UMAD1: variants seen among roughly 807,000 people sequenced by gnomAD.
UMAD1 encodes the protein UBAP1-MVB12-associated (UMA)-domain containing protein 1.
A neutral mutation model predicts 6.1 loss-of-function variants in UMAD1; 8 were observed. That is an observed-to-expected ratio of 1.30 (90% confidence interval 0.76 to 2.35). UMAD1 has a LOEUF of 2.35. Ranked by LOEUF, UMAD1 falls within the 30% of genes most tolerant of loss-of-function variation. The probability of loss-of-function intolerance (pLI) is 0.00; values close to 1 mark genes in which losing one functional copy is unlikely to be tolerated. For synonymous variants in UMAD1, 56 were observed against 31.4 expected (o/e 1.78, Z -2.61); for missense variants, 130 against 78.4 (o/e 1.66, Z -2.49).
chr7:7,838,921 C>A (rs1783623002), intron 3 of UMAD1, among the ~76,000 whole-genome samples: 1 of 151,962 alleles, frequency 6.6e-6, no homozygotes, highest in Non-Finnish European at 1.5e-5. Context: ...ATATATTGAT[C>A]TATATATTTG....
At chr7:7,819,506 A>G (rs1303041969) in intron 3 of UMAD1, among the ~76,000 whole-genome samples, 1 of 152,082 alleles carries the variant, frequency 6.6e-6, no homozygotes, top group Non-Finnish European at 1.5e-5. Context: ...TCACACATAC[A>G]CAAAAGGGCC....
In UMAD1 at chr7:7,693,646, A is replaced by G. The variant is rs148547085; in HGVS notation, c.82+20193A>G. Among the ~76,000 whole-genome samples the G allele has an allele frequency of 5.0e-3, 758 of 152,260 alleles. 7 individuals carry two copies. Among genetic ancestry groups the G allele is most frequent in the African/African-American group, 0.017 (720 of 41,570 alleles). On this transcript the variant is annotated intron_variant, in intron 2 of 3. Transcript: ENST00000682710. ...TTTAAAAATTGTTTATTTAAATTCT[A>G]TAACTTTTAGTGGATTGCACAAATT...
chr7:7,751,641 C>T (rs1441958179), intron 2 of UMAD1, among the ~76,000 whole-genome samples: 2 of 152,090 alleles, frequency 1.3e-5, no homozygotes, highest in Non-Finnish European at 2.9e-5. Context: ...TGGGCTTGAG[C>T]CAAGGACCTT....
chr7:7,642,903 G>A (rs1307610367), intron 1 of UMAD1, among the ~76,000 whole-genome samples: 3 of 152,208 alleles, frequency 2.0e-5, no homozygotes, highest in African/African-American at 7.2e-5. Context: ...ATGGTATGTT[G>A]TTTAATATTG....
At chr7:7,714,448 G>A (rs1780841418) in intron 2 of UMAD1, among the ~76,000 whole-genome samples, 1 of 152,246 alleles carries the variant, frequency 6.6e-6, no homozygotes, top group Non-Finnish European at 1.5e-5. Flanking sequence ...CATGAATAAA[G>A]AGGGAGTACT....
At chr7:7,850,445 A>G (rs1194375617) in intron 3 of UMAD1, among the ~76,000 whole-genome samples, 1 of 152,096 alleles carries the variant, frequency 6.6e-6, no homozygotes, top group Non-Finnish European at 1.5e-5. Flanking sequence ...TCAGATTTCC[A>G]TCTACTTCCC....
chr7:7,689,316 C>G (rs944709769), intron 2 of UMAD1: 3 of 152,166 alleles, frequency 2.0e-5, no homozygotes, highest in Non-Finnish European at 2.9e-5. Flanking sequence ...TTTTATCTAT[C>G]ATTGCCAACT....
intron 2 of UMAD1, among the ~76,000 whole-genome samples, chr7:7,735,363 T>A (rs1468453787): frequency 6.6e-6 from 1 of 152,124 alleles, no homozygotes; most frequent in Non-Finnish European, 1.5e-5. Context: ...AATTTTAATG[T>A]GTTGTAGACA....
chr7:7,869,003 G>A (rs371397784), intron 3 of UMAD1, among the ~76,000 whole-genome samples: 10 of 152,298 alleles, frequency 6.6e-5, no homozygotes, highest in African/African-American at 1.9e-4. Context: ...AATCTTTGCC[G>A]TTGCAATATG....
chr7:7,731,601 C>T (rs985460373), intron 2 of UMAD1, among the ~76,000 whole-genome samples: 6 of 151,674 alleles, frequency 4.0e-5, no homozygotes, highest in Admixed American at 3.9e-4. Context: ...AGTTAATTCG[C>T]TTATGGTAAT....
At chr7:7,664,433 G>A (rs1209634667) in intron 1 of UMAD1, among the ~76,000 whole-genome samples, 1 of 152,136 alleles carries the variant, frequency 6.6e-6, no homozygotes, top group Non-Finnish European at 1.5e-5. Context: ...AACAAATCCT[G>A]TTTTGCCACT....
chr7:7,722,157 C>CTCTA (rs1214725453), intron 2 of UMAD1, among the ~76,000 whole-genome samples: 16 of 122,752 alleles, frequency 1.3e-4, no homozygotes, highest in African/African-American at 4.5e-4. Flanking sequence ...CTCTCTCTCT[C>CTCTA]TATATATATA....
chr7:7,754,045 C>T (rs1446106182), intron 2 of UMAD1, among the ~76,000 whole-genome samples: 2 of 152,060 alleles, frequency 1.3e-5, no homozygotes, highest in East Asian at 1.9e-4. Flanking sequence ...ATTAGCTGAG[C>T]GTGGTGGCGG....
At chr7:7,669,327 C>T (rs987419943) in intron 1 of UMAD1, among the ~76,000 whole-genome samples, 5 of 152,140 alleles carry the variant, frequency 3.3e-5, no homozygotes, top group African/African-American at 4.8e-5. Context: ...TATTCCCCTT[C>T]GCCTTTCCAG....
At chr7:7,820,605 C>T (rs981367172) in intron 3 of UMAD1, among the ~76,000 whole-genome samples, 3 of 152,152 alleles carry the variant, frequency 2.0e-5, no homozygotes, top group African/African-American at 7.2e-5. Flanking sequence ...AATGGCCTGT[C>T]AGGTGTCAGT....
intron 2 of UMAD1, among the ~76,000 whole-genome samples, chr7:7,776,425 G>C (rs1289907940): frequency 2.0e-5 from 3 of 152,150 alleles, no homozygotes; most frequent in Non-Finnish European, 4.4e-5. Flanking sequence ...CAAGTGACAG[G>C]GTTATACAGA....
chr7:7,648,388 T>G (rs566873974), intron 1 of UMAD1, among the ~76,000 whole-genome samples: 71 of 152,226 alleles, frequency 4.7e-4, no homozygotes, highest in Non-Finnish European at 9.0e-4. Context: ...ACTTTTTTTG[T>G]ATTCTTATGT....
chr7:7,711,498 T>G (rs1583763263), intron 2 of UMAD1, among the ~76,000 whole-genome samples: 1 of 152,238 alleles, frequency 6.6e-6, no homozygotes, highest in East Asian at 1.9e-4. Flanking sequence ...GATATTATAC[T>G]CTATCCTTTT....
intron 1 of UMAD1, among the ~76,000 whole-genome samples, chr7:7,671,270 A>G (rs1282878660): frequency 6.6e-6 from 1 of 152,144 alleles, no homozygotes; most frequent in Non-Finnish European, 1.5e-5. Context: ...TGTATTTCTT[A>G]TCTTTTTCAC....
Sources: gnomAD v4.1 joint callset for allele counts (sites outside exome capture counted in the v4.1 genomes callset) on GRCh38, gnomAD v4.1.1 for gene constraint, MANE v1.5 for transcripts, NCBI Gene and HGNC (gene_info 2026-07-23, HGNC 2026-07-21) for gene names.